The following AGBL4 variants were observed in gnomAD, a reference collection of about 807,000 sequenced individuals.
The protein encoded by AGBL4 is cytosolic carboxypeptidase 6.
In AGBL4, 58 loss-of-function variants were observed where a neutral mutation model predicts 66.4. The observed-to-expected ratio is 0.87, with a 90% CI of 0.71 to 1.09. The LOEUF is 1.09. Ranked by LOEUF, AGBL4 falls within the 50% of genes least tolerant of loss-of-function variation. The pLI is 0.00. For missense variants in AGBL4, 579 were observed against 631.0 expected (o/e 0.92, Z 0.88); for synonymous variants, 234 against 222.9 (o/e 1.05, Z -0.44).
At chr1:48,906,433 T>A (rs1472465897) in intron 5 of AGBL4, among the ~76,000 whole-genome samples, 2 of 152,128 alleles carry the variant, frequency 1.3e-5, no homozygotes, top group African/African-American at 2.4e-5. Flanking sequence ...GGGATGGCTG[T>A]CTTATAAAGT....
At chr1:49,273,307 CATA>C (rs1389096881) in intron 3 of AGBL4, among the ~76,000 whole-genome samples, 1 of 151,694 alleles carries the variant, frequency 6.6e-6, no homozygotes, top group African/African-American at 2.4e-5. Flanking sequence ...AAGTAATATA[CATA>C]ATAATTAAAA....
At chr1:49,647,834 T>A (rs1358755704) in intron 3 of AGBL4, among the ~76,000 whole-genome samples, 1 of 141,274 alleles carries the variant, frequency 7.1e-6, no homozygotes, top group Non-Finnish European at 1.5e-5. Flanking sequence ...AAGTTCACAA[T>A]CCAGAGGTAT....
At chr1:49,267,415 T>TCACG (rs527650485) in intron 3 of AGBL4, among the ~76,000 whole-genome samples, 40 of 152,238 alleles carry the variant, frequency 2.6e-4, no homozygotes, top group Admixed American at 6.5e-4. Context: ...GCACGGTGGC[T>TCACG]CACGCCTATA....
At position 49,467,613 on chromosome 1, in the gene AGBL4, A is replaced by G. The variant is rs145013235; in HGVS notation, c.283-221749T>C. Among the ~76,000 whole-genome samples, 282 of 152,008 alleles carry G rather than the reference A, an allele frequency of 1.9e-3. 2 individuals are homozygous for G. The highest frequency in any genetic ancestry group is 6.4e-3 in the African/African-American group (267 of 41,534). ...CTGAGAAGGGAAGGGTCTTTATTGCACTAGAAAAGTCTGTGTAAGTACATT... is the reference window on the plus strand; with the variant it reads ...CTGAGAAGGGAAGGGTCTTTATTGCGCTAGAAAAGTCTGTGTAAGTACATT... On this transcript the variant is annotated intron_variant, in intron 3 of 13. Transcript: ENST00000371839.
At chr1:49,600,697 C>T (rs1644939975) in intron 3 of AGBL4, among the ~76,000 whole-genome samples, 1 of 152,212 alleles carries the variant, frequency 6.6e-6, no homozygotes, top group African/African-American at 2.4e-5. Flanking sequence ...GCAGTTTCTT[C>T]ATAGTGTCGA....
intron 3 of AGBL4, among the ~76,000 whole-genome samples, chr1:49,560,075 A>G (rs1643998417): frequency 6.6e-6 from 1 of 152,156 alleles, no homozygotes; most frequent in Non-Finnish European, 1.5e-5. Context: ...CAGACACTCA[A>G]GAACATCTAC....
chr1:49,257,683 C>A (rs535606451), intron 3 of AGBL4, among the ~76,000 whole-genome samples: 1 of 152,212 alleles, frequency 6.6e-6, no homozygotes, highest in Non-Finnish European at 1.5e-5. Flanking sequence ...CACTGTCCTG[C>A]GCCCACTGTC....
At chr1:48,759,244 C>T in intron 6 of AGBL4, 4 of 1,585,882 alleles carry the variant, frequency 2.5e-6, no homozygotes, top group Non-Finnish European at 3.4e-6. Context: ...TGCCTCGATG[C>T]TCTTGTGCGC....
chr1:48,897,897 C>T (rs374743039), intron 5 of AGBL4, among the ~76,000 whole-genome samples: 19 of 151,162 alleles, frequency 1.3e-4, no homozygotes, highest in African/African-American at 4.1e-4. Flanking sequence ...GCAACCTCTG[C>T]CTCCTGGGTT....
At chr1:48,855,002 T>A (rs1050383062) in intron 6 of AGBL4, among the ~76,000 whole-genome samples, 1 of 152,242 alleles carries the variant, frequency 6.6e-6, no homozygotes, top group Admixed American at 6.5e-5. Flanking sequence ...CAAGAACCAA[T>A]GAGTTCTCTA....
chr1:49,368,025 CT>C (rs1246952635), intron 3 of AGBL4, among the ~76,000 whole-genome samples: 2 of 152,116 alleles, frequency 1.3e-5, no homozygotes, highest in Non-Finnish European at 2.9e-5. Context: ...AATATGTAGT[CT>C]TTTGTGTCTG....
intron 3 of AGBL4, among the ~76,000 whole-genome samples, chr1:49,691,726 AC>A (rs1244181795): frequency 1.3e-5 from 2 of 152,026 alleles, no homozygotes; most frequent in Non-Finnish European, 2.9e-5. Flanking sequence ...GGAAAGGCAG[AC>A]CCACCCTTAA....
intron 1 of AGBL4, among the ~76,000 whole-genome samples, chr1:49,894,656 T>C (rs1557556257): frequency 6.6e-6 from 1 of 152,068 alleles, no homozygotes; most frequent in Non-Finnish European, 1.5e-5. Flanking sequence ...AATAGAGGAC[T>C]TGATCAAGTA....
At chr1:49,049,382 AT>A (rs1644156275) in intron 4 of AGBL4, among the ~76,000 whole-genome samples, 1 of 152,000 alleles carries the variant, frequency 6.6e-6, no homozygotes, top group Non-Finnish European at 1.5e-5. Flanking sequence ...AGTCTTCCTT[AT>A]TTTTCTCTAC....
chr1:49,207,380 C>A (rs1648238081), intron 4 of AGBL4, among the ~76,000 whole-genome samples: 2 of 152,030 alleles, frequency 1.3e-5, no homozygotes, highest in Admixed American at 6.6e-5. Flanking sequence ...CAAACAAGAG[C>A]CAAAAACCAC....
At chr1:49,261,196 A>T (rs1393984539) in intron 3 of AGBL4, among the ~76,000 whole-genome samples, 4 of 151,442 alleles carry the variant, frequency 2.6e-5, no homozygotes, top group Admixed American at 2.6e-4. Flanking sequence ...ACCCACAGCC[A>T]ATATCATACT....
At chr1:49,223,333 T>C (rs529647022) in intron 4 of AGBL4, among the ~76,000 whole-genome samples, 1 of 152,258 alleles carries the variant, frequency 6.6e-6, no homozygotes, top group African/African-American at 2.4e-5. Flanking sequence ...GGAGGATTTA[T>C]CAGTGCAAAT....
At chr1:49,460,335 A>G (rs1646484129) in intron 3 of AGBL4, among the ~76,000 whole-genome samples, 1 of 151,682 alleles carries the variant, frequency 6.6e-6, no homozygotes, top group African/African-American at 2.4e-5. Flanking sequence ...TTTTATCGTT[A>G]TATGATGTCC....
chr1:49,685,160 T>C (rs1646764595), intron 3 of AGBL4, among the ~76,000 whole-genome samples: 1 of 152,328 alleles, frequency 6.6e-6, no homozygotes, highest in East Asian at 1.9e-4. Flanking sequence ...ACATGTGGTA[T>C]GTTGTTTTCT....
Sources: gnomAD v4.1 joint callset for allele counts (sites outside exome capture counted in the v4.1 genomes callset) on GRCh38, gnomAD v4.1.1 for gene constraint, MANE v1.5 for transcripts, NCBI Gene and HGNC (gene_info 2026-07-23, HGNC 2026-07-21) for gene names.